Variants in TDRD12 observed in about 807,000 individuals in gnomAD.
The protein encoded by TDRD12 is putative ATP-dependent RNA helicase TDRD12.
TDRD12 carries 158 observed loss-of-function variants against 133.5 expected under a neutral mutation model. The ratio of observed to expected loss-of-function variants is 1.18; its 90% confidence interval spans 1.04 to 1.35. The LOEUF (loss-of-function observed/expected upper bound fraction) is 1.35, where lower values mean the gene tolerates loss of function less well. Among genes scored for constraint, TDRD12 ranks in the 40% most tolerant of loss-of-function variants. The probability of loss-of-function intolerance (pLI) is 0.00; values close to 1 mark genes in which losing one functional copy is unlikely to be tolerated. For missense variants in TDRD12, 1,443 were observed against 1,321.3 expected (o/e 1.09, Z -1.43); for synonymous variants, 460 against 477.9 (o/e 0.96, Z 0.49).
chr19:32,780,974 G>A (rs1197412146), intron 11 of TDRD12, among the ~76,000 whole-genome samples: 5 of 136,274 alleles, frequency 3.7e-5, no homozygotes, highest in Admixed American at 7.9e-5. Context: ...ATGGAGTCTC[G>A]CTCTGTTGCC....
At chr19:32,767,457 A>G (rs1970331983) in intron 8 of TDRD12, among the ~76,000 whole-genome samples, 1 of 152,152 alleles carries the variant, frequency 6.6e-6, no homozygotes, top group South Asian at 2.1e-4. Flanking sequence ...TTCTACATAT[A>G]TTAGAAACCC....
chr19:32,815,692 G>GT lies in TDRD12; in HGVS notation c.3314+76dup. 3 of 1,411,030 alleles carry GT rather than the reference G, an allele frequency of 2.1e-6. 1 individual carries two copies. In the South Asian group the frequency reaches 4.1e-5, roughly 19 times the overall value. The allele number at this position is 1,411,030 out of a possible 1,614,324, so 87.4% of individuals were successfully genotyped here. Reference sequence around the variant, plus strand: ...TACAACTCACAAGTGTTAAGGACATGTTTTATGAAAGTAGAAGAGTTGGCT... The same window carrying GT: ...TACAACTCACAAGTGTTAAGGACATGTTTTTATGAAAGTAGAAGAGTTGGCT... On this transcript the variant is annotated intron_variant, in intron 26 of 27. Coordinates refer to ENST00000444215, the Ensembl canonical transcript of TDRD12.
intron 1 of TDRD12, 86 bp downstream of exon 1, chr19:32,720,182 CAGCTCCG>C: frequency 6.9e-7 from 1 of 1,444,836 alleles, no homozygotes; most frequent in Non-Finnish European, 9.3e-7. Flanking sequence ...ACCCCCACCC[CAGCTCCG>C]CACAGCTTCC....
rs913275847 is a variant in TDRD12, at chr19:32,828,585, G to A, written c.*1419G>A. On this transcript the variant is annotated 3_prime_UTR_variant, in exon 10 of 10. Transcript: ENST00000637289. Reference sequence around the variant, plus strand: ...GGAAAAGAATTTGGATAGAACATGAGTGTTGTGTGACGGCCCCAAGATCTT... The same window carrying A: ...GGAAAAGAATTTGGATAGAACATGAATGTTGTGTGACGGCCCCAAGATCTT... The A allele has an allele frequency of 5.3e-5, 8 of 152,170 alleles. 1 individual carries two copies. The highest frequency in any genetic ancestry group is 1.9e-4 in the African/African-American group (8 of 41,426). The allele number at this position is 152,170 out of a possible 1,614,324, so 9.4% of individuals were successfully genotyped here. A position where few individuals can be genotyped will look rare whatever the true frequency, so the allele number is the denominator to read the frequency against.
intron 21 of TDRD12, among the ~76,000 whole-genome samples, chr19:32,803,652 G>A (rs928883764): frequency 2.0e-5 from 3 of 152,160 alleles, no homozygotes; most frequent in Non-Finnish European, 4.4e-5. Flanking sequence ...TCATGGGGTA[G>A]GCATGCGTTT....
intron 1 of TDRD12, among the ~76,000 whole-genome samples, chr19:32,722,488 T>C (rs1338289151): frequency 6.6e-6 from 1 of 152,080 alleles, no homozygotes; most frequent in Non-Finnish European, 1.5e-5. Context: ...GTCCTGCAGA[T>C]GAAGTTAGCT....
At chr19:32,790,411 T>A in intron 11 of TDRD12, 120 bp from the exon 12 acceptor site, 2 of 968,700 alleles carry the variant, frequency 2.1e-6, no homozygotes, top group Non-Finnish European at 3.1e-6. Flanking sequence ...GCAGCAGTTG[T>A]ACAGCTGAGC....
intron 4 of TDRD12, among the ~76,000 whole-genome samples, chr19:32,743,452 T>C (rs1392484853): frequency 6.6e-6 from 1 of 151,752 alleles, no homozygotes; most frequent in Non-Finnish European, 1.5e-5. Flanking sequence ...CTCACTATCT[T>C]GCCCAGGCTA....
chr19:32,756,849 G>A (rs531698213), intron 7 of TDRD12, among the ~76,000 whole-genome samples, 189 bp from the exon 8 acceptor site: 18 of 152,198 alleles, frequency 1.2e-4, no homozygotes, highest in African/African-American at 4.1e-4. Flanking sequence ...AGCTAGTCAC[G>A]GATTGTGGAA....
downstream of TDRD12, chr19:32,821,401 T>C (rs771313807): frequency 3.6e-5 from 6 of 164,840 alleles, no homozygotes; most frequent in African/African-American, 8.6e-5. Context: ...TGTGTGTGTG[T>C]GTGTGTGTGC....
chr19:32,819,328 A>AAT (rs1555778477), intron 27 of TDRD12, among the ~76,000 whole-genome samples: 7 of 151,582 alleles, frequency 4.6e-5, no homozygotes, highest in African/African-American at 1.7e-4. Flanking sequence ...AAAAAAAAAA[A>AAT]TGACAAAGAT....
exon 1 of TDRD12, chr19:32,719,992 G>C (rs971324812): frequency 6.6e-7 from 1 of 1,505,782 alleles, no homozygotes; most frequent in African/African-American, 1.4e-5. Context: ...GGCCTGGCCG[G>C]GGCGGACGCA....
intron 11 of TDRD12, among the ~76,000 whole-genome samples, chr19:32,779,226 A>G (rs774023248): frequency 6.6e-6 from 1 of 152,204 alleles, no homozygotes; most frequent in Non-Finnish European, 1.5e-5. Flanking sequence ...CAATGTGGGC[A>G]GAGGGGCACA....
chr19:32,753,457 C>G (rs918988327), intron 6 of TDRD12, among the ~76,000 whole-genome samples: 1 of 151,890 alleles, frequency 6.6e-6, no homozygotes, highest in Non-Finnish European at 1.5e-5. Context: ...CCAGCCTCAC[C>G]CTCTCAAGTA....
At position 32,796,585 on chromosome 19, in the gene TDRD12, CA is replaced by C. The variant is rs753485762; in HGVS notation, c.1474-1136del. Among the ~76,000 whole-genome samples, 880 of 131,444 alleles carry C rather than the reference CA, an allele frequency of 6.7e-3. 5 individuals are homozygous for C. The highest frequency in any genetic ancestry group is 0.019 in the African/African-American group (670 of 34,980). The allele number at this position is 131,444 out of a possible 152,430, so 86.2% of individuals were successfully genotyped here. A position where few individuals can be genotyped will look rare whatever the true frequency, so the allele number is the denominator to read the frequency against. ...GGGCAAGAAGAGCCAAACTCCATCTCAAAAAAAAAAAAAAGTTGCATCTGTT... is the reference window on the plus strand; with the variant it reads ...GGGCAAGAAGAGCCAAACTCCATCTCAAAAAAAAAAAAAGTTGCATCTGTT... On this transcript the variant is annotated intron_variant, in intron 14 of 27. Transcript: ENST00000444215.
At chr19:32,723,471 G>A (rs1320389514) in intron 1 of TDRD12, among the ~76,000 whole-genome samples, 3 of 151,868 alleles carry the variant, frequency 2.0e-5, no homozygotes, top group East Asian at 3.9e-4. Context: ...GGATGGTCTC[G>A]ATCTCCTGAC....
intron 1 of TDRD12, among the ~76,000 whole-genome samples, chr19:32,722,266 T>C (rs1336047670): frequency 6.6e-6 from 1 of 152,164 alleles, no homozygotes; most frequent in Non-Finnish European, 1.5e-5. Flanking sequence ...TCCTGAAACA[T>C]GCACAACCAT....
At chr19:32,790,848 A>G in intron 12 of TDRD12, 116 bp from the exon 13 acceptor site, 1 of 1,453,724 alleles carries the variant, frequency 6.9e-7, no homozygotes, top group Non-Finnish European at 9.1e-7. Context: ...AAGTAAGCAT[A>G]TATACCCAGG....
In TDRD12 at chr19:32,820,259, C is replaced by T. The variant is rs141773790; in HGVS notation, c.3384-774C>T. Among the ~76,000 whole-genome samples the T allele has an allele frequency of 4.4e-3, 672 of 152,280 alleles. 5 individuals are homozygous for T. Among genetic ancestry groups the T allele is most frequent in the African/African-American group, 0.015 (637 of 41,552 alleles). Reference sequence around the variant, plus strand: ...GCTGTCAGAAGACAGCACACCCCTCCTCCTCGTGTGTGTGTGTTTGCTCAT... The same window carrying T: ...GCTGTCAGAAGACAGCACACCCCTCTTCCTCGTGTGTGTGTGTTTGCTCAT... On this transcript the variant is annotated intron_variant, in intron 27 of 27. Transcript: ENST00000444215.
Sources: gnomAD v4.1 joint callset for allele counts (sites outside exome capture counted in the v4.1 genomes callset) on GRCh38, gnomAD v4.1.1 for gene constraint, MANE v1.5 for transcripts, NCBI Gene and HGNC (gene_info 2026-07-23, HGNC 2026-07-21) for gene names.